Variants in LETM1 observed in about 807,000 individuals in gnomAD.
LETM1 encodes leucine zipper and EF-hand containing transmembrane protein 1, also known as mitochondrial proton/calcium exchanger protein.
In LETM1, 50 loss-of-function variants were observed where a neutral mutation model predicts 74.5. The ratio of observed to expected loss-of-function variants is 0.67; its 90% CI spans 0.53 to 0.85. The LOEUF is 0.85. Ranked by LOEUF, LETM1 falls within the 40% of genes least tolerant of loss-of-function variation. LETM1 has a pLI of 0.00. For missense variants in LETM1, 824 were observed against 967.8 expected (o/e 0.85, Z 1.97); for synonymous variants, 446 against 407.1 (o/e 1.10, Z -1.15).
At chr4:1,848,133 G>A (rs1712945810) in intron 2 of LETM1, among the ~76,000 whole-genome samples, 1 of 152,174 alleles carries the variant, frequency 6.6e-6, no homozygotes, top group Non-Finnish European at 1.5e-5. Flanking sequence ...GCCAGGCATG[G>A]TGGCTCACAC....
chr4:1,842,903 C>T (rs1307183357), intron 2 of LETM1: 5 of 244,260 alleles, frequency 2.0e-5, no homozygotes, highest in Middle Eastern at 4.4e-4. Context: ...AGCTGACCTG[C>T]GCGAGGCCCA....
At chr4:1,820,600 A>G (rs903873831) in intron 10 of LETM1, among the ~76,000 whole-genome samples, 10 of 152,268 alleles carry the variant, frequency 6.6e-5, no homozygotes, top group Non-Finnish European at 1.5e-4. Flanking sequence ...GGGCTGAGAA[A>G]GCTGCCTGCA....
intron 13 of LETM1, among the ~76,000 whole-genome samples, chr4:1,815,158 C>G (rs1026278637): frequency 1.3e-5 from 2 of 152,220 alleles, no homozygotes; most frequent in African/African-American, 4.8e-5. Context: ...GATCCTGGGC[C>G]AGGGTCTCCG....
intron 6 of LETM1, among the ~76,000 whole-genome samples, chr4:1,830,710 A>G (rs779037907): frequency 6.6e-6 from 1 of 152,042 alleles, no homozygotes; most frequent in Non-Finnish European, 1.5e-5. Flanking sequence ...TCTGTTTTTC[A>G]CATGTTCTGC....
intron 1 of LETM1, among the ~76,000 whole-genome samples, chr4:1,849,828 G>A (rs1445291256): frequency 6.6e-6 from 1 of 152,024 alleles, no homozygotes; most frequent in African/African-American, 2.4e-5. Flanking sequence ...GATTACAGGC[G>A]TGAGCCACCA....
chr4:1,839,839 G>T (rs1712623438), intron 3 of LETM1, among the ~76,000 whole-genome samples: 1 of 152,224 alleles, frequency 6.6e-6, no homozygotes, highest in Admixed American at 6.5e-5. Flanking sequence ...TTCACCGGGG[G>T]TTGCACCCTG....
intron 5 of LETM1, 161 bp from the exon 6 acceptor site, chr4:1,833,108 G>A (rs373311753): frequency 4.7e-6 from 3 of 632,606 alleles, no homozygotes; most frequent in Admixed American, 2.7e-5. Flanking sequence ...GTCTCGCTCT[G>A]TTACCCAGGC....
At chr4:1,819,090 A>AC (rs1349089738) in intron 11 of LETM1, among the ~76,000 whole-genome samples, 1 of 152,088 alleles carries the variant, frequency 6.6e-6, no homozygotes, top group African/African-American at 2.4e-5. Context: ...TTACAAAAAA[A>AC]AAAAAAAAAA....
chr4:1,838,120 G>A (rs1440883123), intron 3 of LETM1, among the ~76,000 whole-genome samples: 1 of 151,748 alleles, frequency 6.6e-6, no homozygotes, highest in Non-Finnish European at 1.5e-5. Context: ...ATTTTTTTGA[G>A]ATGGAGTCTC....
At chr4:1,822,716 G>A (rs573126878) in intron 9 of LETM1, 11 of 373,034 alleles carry the variant, frequency 2.9e-5, no homozygotes, top group Non-Finnish European at 5.2e-5. Flanking sequence ...TGAGGAGAGG[G>A]TGGGCACTGC....
intron 4 of LETM1, among the ~76,000 whole-genome samples, chr4:1,835,540 ATGGGCTAGACAGGAAGGCGTC>A (rs1712437084): frequency 1.3e-5 from 2 of 152,206 alleles, no homozygotes. Flanking sequence ...ACTTTCCGTA[ATGGGCTAGACAGGAAGGCGTC>A]TGGCCTTCAT....
At chr4:1,827,045 G>C (rs958585607) in intron 6 of LETM1, among the ~76,000 whole-genome samples, 2 of 152,192 alleles carry the variant, frequency 1.3e-5, no homozygotes, top group African/African-American at 4.8e-5. Flanking sequence ...AGAAGGCGCA[G>C]GGAGAGGGCA....
In LETM1 at chr4:1,841,385, G is replaced by A. The variant is rs771714060; in HGVS notation, c.556C>T (p.Leu186Phe). The A allele has an allele frequency of 1.2e-6, 2 of 1,613,926 alleles. No homozygotes were observed. Among genetic ancestry groups the A allele is most frequent in the South Asian group, 2.2e-5 (2 of 91,070 alleles). Residue 186 changes from leucine to phenylalanine, a missense_variant, in exon 3 of 14, where the codon CTC becomes TTC. Around this residue, in one of 4 missense-constraint regions of LETM1, gnomAD observed 269 missense variants for 348.8 expected, o/e 0.77. Transcript: ENST00000302787. ...CGGCGGGTCAGGCTGTGGCCGTTGA[G>A]GATGCGCCAGAGCATGCGTGCCGCG... ...KIAARMLWRILNGHSLTRRER... is the reference protein window; with the variant it reads ...KIAARMLWRIFNGHSLTRRER...
At chr4:1,837,325 T>C (rs1232542308) in intron 3 of LETM1, among the ~76,000 whole-genome samples, 1 of 152,172 alleles carries the variant, frequency 6.6e-6, no homozygotes, top group Non-Finnish European at 1.5e-5. Flanking sequence ...CCGCGCTCAT[T>C]GAGCCAGCCT....
rs144064890 is a variant in LETM1, at chr4:1,846,032, T to G, written c.143+3117A>C. Among the ~76,000 whole-genome samples the G allele has an allele frequency of 6.2e-3, 941 of 151,614 alleles. 7 individuals are homozygous for G. The highest frequency in any genetic ancestry group is 0.021 in the African/African-American group (879 of 41,302). ...ACCATCACACCCAGTTATTTTTGTA[T>G]TTTTAGTAGAGATGGGGTTTCACCA... On this transcript the variant is annotated intron_variant, in intron 2 of 13. Coordinates refer to ENST00000302787, the MANE Select transcript of LETM1 (RefSeq NM_012318.3).
chr4:1,828,326 G>A (rs1171037939), intron 6 of LETM1, among the ~76,000 whole-genome samples: 68 of 121,380 alleles, frequency 5.6e-4, no homozygotes, highest in East Asian at 8.2e-4. Flanking sequence ...GGGCAGGGGG[G>A]CTGACCCCCC....
chr4:1,814,255 G>A lies in LETM1; in HGVS notation c.*169C>T. 9.2e-7 allele frequency: 1 copy of A among 1,088,098 alleles called. No individual in the cohort carries two copies. The highest frequency in any genetic ancestry group is 1.3e-6 in the Non-Finnish European group (1 of 751,056). 67.4% of individuals were successfully genotyped at this position (1,088,098 alleles called of 1,614,324 possible). The stretch of plus-strand genomic sequence containing the variant: ...GGGGTTCCGGGATTCCAGACAGACT[G>A]AATCTCCGTGGAATGATGAAAATTA... On this transcript the variant is annotated 3_prime_UTR_variant, in exon 14 of 14. Coordinates refer to ENST00000302787, the MANE Select transcript of LETM1 (RefSeq NM_012318.3).
chr4:1,818,897 C>G (rs1711675060), intron 11 of LETM1, among the ~76,000 whole-genome samples: 1 of 151,986 alleles, frequency 6.6e-6, no homozygotes, highest in African/African-American at 2.4e-5. Context: ...GCCTGGTCAA[C>G]ATGGTGAAAC....
At chr4:1,815,629 G>T in intron 13 of LETM1, 35 bp downstream of exon 13, 1 of 1,611,086 alleles carries the variant, frequency 6.2e-7, no homozygotes. Flanking sequence ...CAGAGCAGGT[G>T]GCGGATGGCC....
Sources: allele counts gnomAD v4.1 joint callset (sites outside exome capture counted in the v4.1 genomes callset), GRCh38; gene constraint gnomAD v4.1.1; regional missense constraint gnomAD v4.1.1; transcripts MANE v1.5; gene names NCBI Gene and HGNC (gene_info 2026-07-23, HGNC 2026-07-21).